The following SFMBT2 variants were observed in gnomAD, a reference collection of about 807,000 sequenced individuals.
SFMBT2 encodes Scm like with four mbt domains 2.
SFMBT2 carries 38 observed loss-of-function variants against 110.1 expected under a neutral mutation model. The ratio of observed to expected loss-of-function variants is 0.35; its 90% CI spans 0.27 to 0.45. The LOEUF (loss-of-function observed/expected upper bound fraction) is 0.45. SFMBT2 is among the 20% of genes least tolerant of loss of function. SFMBT2 has a pLI of 1.00. For synonymous variants in SFMBT2, 425 were observed against 425.4 expected, an observed-to-expected ratio of 1.00 and a Z score of 0.01; for missense variants, 1,011 against 1,094.9, an observed-to-expected ratio of 0.92 and a Z score of 1.08.
At chr10:7,207,190 T>C (rs1236175747) in intron 11 of SFMBT2, among the ~76,000 whole-genome samples, 2 of 151,980 alleles carry the variant, frequency 1.3e-5, no homozygotes, top group Non-Finnish European at 2.9e-5. Flanking sequence ...AGACACCTTG[T>C]CTCTACAAAA....
At chr10:7,225,706 T>TGG (rs1241020321) in intron 10 of SFMBT2, among the ~76,000 whole-genome samples, 3 of 152,120 alleles carry the variant, frequency 2.0e-5, no homozygotes, top group Non-Finnish European at 2.9e-5. Flanking sequence ...GAAGCTTTAG[T>TGG]GGGGCAAGGA....
At chr10:7,296,330 G>C (rs1348770856) in intron 4 of SFMBT2, among the ~76,000 whole-genome samples, 2 of 152,164 alleles carry the variant, frequency 1.3e-5, no homozygotes, top group Non-Finnish European at 2.9e-5. Context: ...AATTCTTACA[G>C]TTCTTTTTAT....
intron 11 of SFMBT2, among the ~76,000 whole-genome samples, chr10:7,217,121 A>C (rs569354001): frequency 1.3e-5 from 2 of 152,340 alleles, no homozygotes; most frequent in South Asian, 2.1e-4. Context: ...GAGGTACTTG[A>C]AGTCATCAAC....
rs1266696916 is a variant in SFMBT2 at position 7,170,230 on chromosome 10, G to C, written c.2544+698C>G. The stretch of plus-strand genomic sequence containing the variant: ...TGTTGTGGTTGCTGTTTGTGTGTGA[G>C]CTTCATGCCCCTGAGACTTGGAGCT... On this transcript the variant is annotated intron_variant, in intron 20 of 20. Coordinates refer to ENST00000397167, the MANE Select transcript of SFMBT2 (RefSeq NM_001387889.1). This position sits in a 1 kb window ranked among gnomAD's most constrained non-coding sequence, Gnocchi z 4.6. Among the ~76,000 whole-genome samples the C allele has an allele frequency of 6.6e-6, 1 of 152,246 alleles. No homozygotes were observed. Among genetic ancestry groups the C allele is most frequent in the Non-Finnish European group, 1.5e-5 (1 of 68,040 alleles).
chr10:7,248,486 T>C (rs1358344901), intron 8 of SFMBT2, 62 bp downstream of exon 8: 3 of 1,384,582 alleles, frequency 2.2e-6, no homozygotes, highest in Non-Finnish European at 3.1e-6. Context: ...CGTCTTTGAG[T>C]TGAAAGGCTT....
At position 7,170,395 on chromosome 10, in the gene SFMBT2, G is replaced by A. The variant is rs1209811657; in HGVS notation, c.2544+533C>T. Reference sequence around the variant, plus strand: ...AGACAGCAGCATCTCTTCTGCAGCTGAACATCACAGGGAGGGCTGGACGGA... The same window carrying A: ...AGACAGCAGCATCTCTTCTGCAGCTAAACATCACAGGGAGGGCTGGACGGA... On this transcript the variant is annotated intron_variant, in intron 20 of 20. Coordinates refer to ENST00000397167, the MANE Select transcript of SFMBT2 (RefSeq NM_001387889.1). This position sits in a 1 kb window ranked among gnomAD's most constrained non-coding sequence, Gnocchi z 4.6. Among the ~76,000 whole-genome samples, 1 of 152,148 alleles carries A rather than the reference G, an allele frequency of 6.6e-6. No individual in the cohort carries two copies. The highest frequency in any genetic ancestry group is 1.5e-5 in the Non-Finnish European group (1 of 68,030).
chr10:7,199,223 C>T (rs1315111814), intron 14 of SFMBT2, among the ~76,000 whole-genome samples: 1 of 152,146 alleles, frequency 6.6e-6, no homozygotes, highest in Non-Finnish European at 1.5e-5. Context: ...AAGCAATCTG[C>T]CTGCTTCAGC....
chr10:7,231,233 G>T (rs907856312), intron 9 of SFMBT2, among the ~76,000 whole-genome samples: 5 of 152,148 alleles, frequency 3.3e-5, no homozygotes, highest in African/African-American at 9.7e-5. Flanking sequence ...GGTTTTGGAA[G>T]ACGGACTTTG....
intron 13 of SFMBT2, among the ~76,000 whole-genome samples, chr10:7,201,816 T>C (rs1391554175): frequency 6.6e-6 from 1 of 152,162 alleles, no homozygotes; most frequent in Non-Finnish European, 1.5e-5. Context: ...TCTTTCCACA[T>C]AAAGTCACAA....
intron 9 of SFMBT2, among the ~76,000 whole-genome samples, chr10:7,235,026 A>G (rs928630690): frequency 6.6e-6 from 1 of 152,220 alleles, no homozygotes; most frequent in Non-Finnish European, 1.5e-5. Flanking sequence ...CTGAAGAAGA[A>G]AAAAGGAGAT....
chr10:7,411,065 C>CT (rs766788794), upstream of SFMBT2, among the ~76,000 whole-genome samples: 14,576 of 53,748 alleles, frequency 0.27, 4,049 homozygotes, highest in Non-Finnish European at 0.32. Flanking sequence ...GCTCGGCGCT[C>CT]TTTTTTTTTT....
At chr10:7,351,662 T>C (rs945999454) in intron 4 of SFMBT2, among the ~76,000 whole-genome samples, 3 of 152,158 alleles carry the variant, frequency 2.0e-5, no homozygotes, top group African/African-American at 7.2e-5. Flanking sequence ...CACAGGCAAG[T>C]ATGATCAAAA....
Position 7,176,101 on chromosome 10 carries a change from A to T in SFMBT2, c.1873T>A (p.Phe625Ile). 1 of 1,614,190 alleles carries T rather than the reference A, an allele frequency of 6.2e-7. No homozygotes were observed. The highest frequency in any genetic ancestry group is 8.5e-7 in the Non-Finnish European group (1 of 1,180,036). ...AGCTTGGCACAGACTCGGCGGCAGA[A>T]ATTTGCGACTTGGTCAGATGTCCGT... ...IVRTSDQVAN[F>I]CRRVCAKLEC... Residue 625 changes from phenylalanine to isoleucine, a missense_variant, in exon 17 of 21, where the codon TTC (phenylalanine) becomes ATC (isoleucine). Around this residue, in one of 2 missense-constraint regions of SFMBT2, gnomAD observed 979 missense variants for 1,016.1 expected, o/e 0.96. Coordinates refer to ENST00000397167, the MANE Select transcript of SFMBT2 (RefSeq NM_001387889.1).
intron 4 of SFMBT2, among the ~76,000 whole-genome samples, chr10:7,287,748 G>A (rs1842138501): frequency 6.6e-6 from 1 of 152,194 alleles, no homozygotes. Context: ...AACCCTTCCG[G>A]CTCAAACCTA....
intron 12 of SFMBT2, chr10:7,204,346 T>C: frequency 1.0e-6 from 1 of 985,380 alleles, no homozygotes; most frequent in South Asian, 4.7e-5. Flanking sequence ...TGTGAGAGTC[T>C]ACAGAAGTGG....
At chr10:7,342,977 T>C (rs1360808459) in intron 4 of SFMBT2, among the ~76,000 whole-genome samples, 2 of 152,268 alleles carry the variant, frequency 1.3e-5, no homozygotes, top group East Asian at 3.8e-4. Context: ...CAGATAATTT[T>C]GTCACCCAGA....
chr10:7,344,806 A>C (rs1328778653), intron 4 of SFMBT2, among the ~76,000 whole-genome samples: 2 of 151,978 alleles, frequency 1.3e-5, no homozygotes, highest in Non-Finnish European at 2.9e-5. Context: ...TACACACAAA[A>C]AAATTAGCCG....
chr10:7,396,995 G>A (rs1845945290), intron 1 of SFMBT2, among the ~76,000 whole-genome samples: 1 of 151,904 alleles, frequency 6.6e-6, no homozygotes, highest in African/African-American at 2.4e-5. Context: ...CATGGCACAT[G>A]TATACATATG....
chr10:7,212,852 G>A (rs931135060), intron 11 of SFMBT2, among the ~76,000 whole-genome samples: 3 of 152,094 alleles, frequency 2.0e-5, no homozygotes, highest in Non-Finnish European at 2.9e-5. Flanking sequence ...AATGATAGAC[G>A]GGATAAAGAA....
Sources: allele counts gnomAD v4.1 joint callset (sites outside exome capture counted in the v4.1 genomes callset), GRCh38; gene constraint gnomAD v4.1.1; regional missense constraint gnomAD v4.1.1; non-coding constraint Gnocchi (gnomAD v3.1); transcripts MANE v1.5; gene names NCBI Gene and HGNC (gene_info 2026-07-23, HGNC 2026-07-21).